Variants in TMEM132B observed in about 807,000 individuals in gnomAD.
TMEM132B encodes transmembrane protein 132B.
In TMEM132B, 18 loss-of-function variants were observed where a neutral mutation model predicts 90.8. The ratio of observed to expected loss-of-function variants is 0.20; its 90% CI spans 0.14 to 0.29. The LOEUF is 0.29. Ranked by LOEUF, TMEM132B falls within the 10% of genes least tolerant of loss-of-function variation. The pLI is 1.00. For synonymous variants in TMEM132B, 504 were observed against 523.3 expected (o/e 0.96, Z 0.50); for missense variants, 1,096 against 1,326.8 (o/e 0.83, Z 2.70).
chr12:125,262,364 A>G (rs947298362), intron 1 of TMEM132B, among the ~76,000 whole-genome samples: 12 of 152,140 alleles, frequency 7.9e-5, no homozygotes, highest in Non-Finnish European at 1.6e-4. Context: ...TGTTTTGCTT[A>G]AGAAGTGTCT....
intron 1 of TMEM132B, among the ~76,000 whole-genome samples, chr12:125,194,858 A>G (rs1565972705): frequency 6.6e-6 from 1 of 152,206 alleles, no homozygotes; most frequent in Non-Finnish European, 1.5e-5. Context: ...GTCTCTAAGC[A>G]GCAGCGAATC....
chr12:125,319,714 T>G (rs376611683), intron 1 of TMEM132B, among the ~76,000 whole-genome samples: 4 of 152,144 alleles, frequency 2.6e-5, no homozygotes, highest in Non-Finnish European at 5.9e-5. Context: ...ATAGGTCCAG[T>G]GATCAGAAGG....
intron 1 of TMEM132B, among the ~76,000 whole-genome samples, chr12:125,211,048 G>A (rs1593042674): frequency 1.3e-5 from 2 of 151,862 alleles, no homozygotes; most frequent in East Asian, 3.9e-4. Context: ...TCCAGCCTGG[G>A]CAACAGTGAG....
At position 125,209,472 on chromosome 12, in the gene TMEM132B, G is replaced by T. The variant is rs1297276158; in HGVS notation, c.67+22606G>T. ...CCCCTTTCTGTCCTGGTCACCTCAG[G>T]GGAGAAGGGTGTTGGCTCAGTCAGC... On this transcript the variant is annotated intron_variant, in intron 1 of 8. Transcript: ENST00000682704. This position sits in a 1 kb window ranked among gnomAD's most constrained non-coding sequence, Gnocchi z 4.4. Among the ~76,000 whole-genome samples the T allele has an allele frequency of 6.6e-6, 1 of 152,268 alleles. No homozygotes were observed. The highest frequency in any genetic ancestry group is 1.9e-4 in the East Asian group (1 of 5,202).
At position 125,551,875 on chromosome 12, in the gene TMEM132B, C is replaced by T. The variant is rs181096789; in HGVS notation, c.1294-31976C>T. On this transcript the variant is annotated intron_variant, in intron 4 of 8. Transcript: ENST00000682704. ...TAACCTGGCACATTGTTTTCATGGT[C>T]CTGGTGGCAACACAGGAGGAGGAGA... is the stretch of plus-strand genomic sequence containing the variant. 8.4e-4 allele frequency among the ~76,000 whole-genome samples: 128 copies of T among 152,188 alleles called. 1 individual carries two copies. The highest frequency in any genetic ancestry group is 8.4e-3 in the Admixed American group (128 of 15,296).
intron 1 of TMEM132B, among the ~76,000 whole-genome samples, chr12:125,240,932 C>T (rs1243824671): frequency 2.6e-5 from 4 of 152,194 alleles, no homozygotes; most frequent in Admixed American, 1.3e-4. Context: ...AATGAGTGAT[C>T]GCGTGAGTGA....
intron 2 of TMEM132B, among the ~76,000 whole-genome samples, chr12:125,394,175 G>A (rs530613501): frequency 1.3e-5 from 2 of 152,210 alleles, no homozygotes; most frequent in African/African-American, 4.8e-5. Context: ...CATCAGTGAG[G>A]TGGCTACTAT....
intron 2 of TMEM132B, among the ~76,000 whole-genome samples, chr12:125,362,240 G>C (rs1877981631): frequency 6.6e-6 from 1 of 152,116 alleles, no homozygotes; most frequent in Non-Finnish European, 1.5e-5. Context: ...CTGTGCCTGG[G>C]TGCTGACTCC....
intron 5 of TMEM132B, among the ~76,000 whole-genome samples, chr12:125,619,619 C>G (rs1310545239): frequency 6.6e-6 from 1 of 152,032 alleles, no homozygotes; most frequent in Non-Finnish European, 1.5e-5. Context: ...CCCACCTTAG[C>G]CTCCCAAAGT....
In TMEM132B at chr12:125,407,433, C is replaced by T. The variant is rs954497739; in HGVS notation, c.960-8098C>T. Among the ~76,000 whole-genome samples, 24 of 152,144 alleles carry T rather than the reference C, an allele frequency of 1.6e-4. No individual in the cohort carries two copies. The highest frequency in any genetic ancestry group is 5.8e-4 in the African/African-American group (24 of 41,436). On this transcript the variant is annotated intron_variant, in intron 2 of 8. Coordinates refer to ENST00000682704, the MANE Select transcript of TMEM132B (RefSeq NM_001366854.1). This position sits in a 1 kb window ranked among gnomAD's most constrained non-coding sequence, Gnocchi z 6.7. ...AGGTGTGTACTCACAGAGCAGGTTT[C>T]CTTTTGCCCAGCTAGGTGGTGGATG...
intron 5 of TMEM132B, among the ~76,000 whole-genome samples, chr12:125,606,094 A>T (rs1885689499): frequency 6.6e-6 from 1 of 152,182 alleles, no homozygotes; most frequent in Non-Finnish European, 1.5e-5. Context: ...ATACAATTAA[A>T]GGGTAGAAAG....
At chr12:125,286,087 G>A (rs1289446777) in intron 1 of TMEM132B, among the ~76,000 whole-genome samples, 1 of 152,238 alleles carries the variant, frequency 6.6e-6, no homozygotes, top group Non-Finnish European at 1.5e-5. Flanking sequence ...CTAGCGCCAG[G>A]TACTTTACAT....
At position 125,277,502 on chromosome 12, in the gene TMEM132B, A is replaced by AACACACACACACACACACACACACACAC. The variant is rs60316781; in HGVS notation, c.68-71923_68-71922insCACACACACACACACACACACACACACA. 3.4e-4 allele frequency among the ~76,000 whole-genome samples: 48 copies of AACACACACACACACACACACACACACAC among 143,180 alleles called. No homozygotes were observed. Among genetic ancestry groups the AACACACACACACACACACACACACACAC allele is most frequent in the African/African-American group, 5.1e-4 (19 of 37,384 alleles). 93.9% of individuals were successfully genotyped at this position (143,180 alleles called of 152,430 possible). A position where few individuals can be genotyped will look rare whatever the true frequency, so the allele number is the denominator to read the frequency against. The stretch of plus-strand genomic sequence containing the variant: ...TCAAAAAAAAAAGATGAAGAGGGAG[A>AACACACACACACACACACACACACACAC]ACACACACACACACACACACACACA... On this transcript the variant is annotated intron_variant, in intron 1 of 8. Coordinates refer to ENST00000682704, the MANE Select transcript of TMEM132B (RefSeq NM_001366854.1). This position sits in a 1 kb window ranked among gnomAD's most constrained non-coding sequence, Gnocchi z 4.3.
chr12:125,243,641 A>G (rs1424459889), intron 1 of TMEM132B, among the ~76,000 whole-genome samples: 6 of 152,172 alleles, frequency 3.9e-5, no homozygotes, highest in Non-Finnish European at 7.4e-5. Context: ...GGTTTTGAGT[A>G]CAAATGAGTC....
intron 1 of TMEM132B, among the ~76,000 whole-genome samples, chr12:125,243,032 T>TATACACACAC: frequency 7.4e-6 from 1 of 135,008 alleles, no homozygotes; most frequent in African/African-American, 2.8e-5. Context: ...TATATATATA[T>TATACACACAC]ACACACACAC....
At chr12:125,611,988 G>A (rs1885840203) in intron 5 of TMEM132B, among the ~76,000 whole-genome samples, 3 of 151,970 alleles carry the variant, frequency 2.0e-5, no homozygotes, top group Admixed American at 6.6e-5. Context: ...CCTACTCATC[G>A]TGAAAGTTGG....
intron 4 of TMEM132B, among the ~76,000 whole-genome samples, chr12:125,543,327 A>G (rs1263997103): frequency 6.6e-6 from 1 of 152,244 alleles, no homozygotes; most frequent in African/African-American, 2.4e-5. Flanking sequence ...TAATACAACC[A>G]TAAACAACAA....
chr12:125,584,124 G>A (rs771335081), intron 5 of TMEM132B, 130 bp downstream of exon 5: 24 of 1,381,640 alleles, frequency 1.7e-5, no homozygotes, highest in East Asian at 9.2e-5. Flanking sequence ...ATGACCTCAC[G>A]AAGGAGGAAA....
chr12:125,605,514 T>C (rs1885672454), intron 5 of TMEM132B, among the ~76,000 whole-genome samples: 1 of 152,182 alleles, frequency 6.6e-6, no homozygotes, highest in Non-Finnish European at 1.5e-5. Context: ...GTTACCTGTT[T>C]CCTGGTTCCA....
Sources: allele counts gnomAD v4.1 joint callset (sites outside exome capture counted in the v4.1 genomes callset), GRCh38; gene constraint gnomAD v4.1.1; non-coding constraint Gnocchi (gnomAD v3.1); transcripts MANE v1.5; gene names NCBI Gene and HGNC (gene_info 2026-07-23, HGNC 2026-07-21).